ERICH5: variants seen among roughly 807,000 people sequenced by gnomAD.
The protein encoded by ERICH5 is glutamate-rich protein 5.
Under a neutral mutation model 28.0 loss-of-function variants are expected in ERICH5, and 24 were observed. The ratio of observed to expected loss-of-function variants is 0.86; its 90% confidence interval spans 0.62 to 1.21. ERICH5 has a LOEUF of 1.21. ERICH5 is among the 50% of genes most tolerant of loss of function. The pLI is 0.00. For synonymous variants in ERICH5, 163 were observed against 157.6 expected, an observed-to-expected ratio of 1.03 and a Z score of -0.25; for missense variants, 421 against 441.2, an observed-to-expected ratio of 0.95 and a Z score of 0.41.
At chr8:98,091,905 C>CTT (rs1230900180) in intron 2 of ERICH5, among the ~76,000 whole-genome samples, 1 of 82,712 alleles carries the variant, frequency 1.2e-5, no homozygotes, top group African/African-American at 5.3e-5. Flanking sequence ...TCTTTCCTTT[C>CTT]TTTCTTTCTT....
chr8:98,074,345 C>A (rs1815010272), intron 1 of ERICH5, among the ~76,000 whole-genome samples: 1 of 151,824 alleles, frequency 6.6e-6, no homozygotes, highest in African/African-American at 2.4e-5. Flanking sequence ...TTTTCTAAGG[C>A]TACCAGGTCT....
chr8:98,077,223 A>G (rs1185709546), intron 1 of ERICH5, among the ~76,000 whole-genome samples: 1 of 152,236 alleles, frequency 6.6e-6, no homozygotes, highest in Non-Finnish European at 1.5e-5. Context: ...TCAGTGCCTC[A>G]GTGAATGTCA....
At position 98,089,429 on chromosome 8, in the gene ERICH5, A is replaced by T. The variant is rs1163661075; in HGVS notation, c.412A>T (p.Thr138Ser). 6.2e-7 allele frequency: 1 copy of T among 1,614,250 alleles called. No homozygotes were observed. Among genetic ancestry groups the T allele is most frequent in the Admixed American group, 1.7e-5 (1 of 60,032 alleles). Residue 138 changes from threonine to serine, a missense_variant, in exon 2 of 3, where the codon ACA becomes TCA. Thr to Ser is a moderately conservative substitution (Grantham distance 58). Coordinates refer to ENST00000318528, the MANE Select transcript of ERICH5 (RefSeq NM_173549.3). ...AAAGAAGAAAGATGCAGGAGCAGGG[A>T]CAGAGGCCGAGTCTCTAAAAGGAAA... ...EGKKKDAGAG[T>S]EAESLKGNAE... is the part of the protein sequence containing the mutation.
At chr8:98,075,588 C>T (rs988590970) in intron 1 of ERICH5, among the ~76,000 whole-genome samples, 13 of 152,160 alleles carry the variant, frequency 8.5e-5, no homozygotes, top group African/African-American at 2.9e-4. Context: ...AATCAGTCAG[C>T]GGAAAGACCT....
rs760470751 is a variant in ERICH5, at chr8:98,085,136, C to CTTTTTTTTTTTTTT, written c.59-3911_59-3898dup. Among the ~76,000 whole-genome samples the CTTTTTTTTTTTTTT allele has an allele frequency of 2.8e-4, 16 of 57,318 alleles. 2 individuals carry two copies. Among genetic ancestry groups the CTTTTTTTTTTTTTT allele is most frequent in the East Asian group, 5.6e-4 (1 of 1,792 alleles). The allele number at this position is 57,318 out of a possible 152,430, so 37.6% of individuals were successfully genotyped here. ...TTCCCTGGTGTGAACGTTCCACAGC[C>CTTTTTTTTTTTTTT]TTTTTTTTTTTTTTTTTTTTTTTTT... On this transcript the variant is annotated intron_variant, in intron 1 of 2. Transcript: ENST00000318528.
chr8:98,066,516 T>A (rs1345343291), intron 1 of ERICH5, among the ~76,000 whole-genome samples: 1 of 152,220 alleles, frequency 6.6e-6, no homozygotes, highest in Non-Finnish European at 1.5e-5. Flanking sequence ...ACTTTATCTT[T>A]AAAAATATTT....
intron 1 of ERICH5, among the ~76,000 whole-genome samples, chr8:98,072,688 A>T (rs1814939619): frequency 6.6e-6 from 1 of 152,152 alleles, no homozygotes; most frequent in Admixed American, 6.6e-5. Flanking sequence ...TGGGATGTGC[A>T]TTCCAGCTGC....
intron 1 of ERICH5, among the ~76,000 whole-genome samples, chr8:98,072,381 G>A (rs1814934487): frequency 1.3e-5 from 2 of 152,134 alleles, no homozygotes; most frequent in Non-Finnish European, 2.9e-5. Context: ...ATGCCTGTGA[G>A]CACAGCACTT....
chr8:98,080,218 C>T (rs1166611661), intron 1 of ERICH5, among the ~76,000 whole-genome samples: 2 of 152,218 alleles, frequency 1.3e-5, no homozygotes, highest in Non-Finnish European at 2.9e-5. Context: ...ATTATCCACT[C>T]TGTCAATTCT....
rs1234405784 is a variant in ERICH5 at position 98,089,097 on chromosome 8, C to T, written c.80C>T (p.Ser27Leu). 6.2e-6 allele frequency: 10 copies of T among 1,602,732 alleles called. No homozygotes were observed. Among genetic ancestry groups the T allele is most frequent in the Non-Finnish European group, 8.5e-6 (10 of 1,176,218 alleles). Residue 27 changes from serine to leucine, a missense_variant, in exon 2 of 3, where the codon TCA (serine) becomes TTA (leucine). Physicochemically the swap from Ser to Leu is moderately radical, Grantham distance 145. Coordinates refer to ENST00000318528, the MANE Select transcript of ERICH5 (RefSeq NM_173549.3). ...FPSVTSNEHF[S>L]TAEESESCFA... is the part of the protein sequence containing the mutation. ...AAAGTAACTTCAAATGAGCATTTTT[C>T]AACTGCAGAAGAAAGTGAGTCCTGC... is the stretch of plus-strand genomic sequence containing the variant.
intron 1 of ERICH5, among the ~76,000 whole-genome samples, chr8:98,083,798 A>T (rs1421581624): frequency 6.6e-6 from 1 of 152,196 alleles, no homozygotes; most frequent in Non-Finnish European, 1.5e-5. Flanking sequence ...TAAAATCTAC[A>T]ACCATCTCCA....
chr8:98,084,922 C>G (rs937582125), intron 1 of ERICH5, among the ~76,000 whole-genome samples: 2 of 151,908 alleles, frequency 1.3e-5, no homozygotes, highest in African/African-American at 4.8e-5. Context: ...CTACCCAATC[C>G]CAGTCTCCAA....
chr8:98,088,320 G>C (rs1815316357), intron 1 of ERICH5, among the ~76,000 whole-genome samples: 1 of 152,162 alleles, frequency 6.6e-6, no homozygotes, highest in Non-Finnish European at 1.5e-5. Flanking sequence ...GCAACTCTGA[G>C]ATCAATATGA....
intron 1 of ERICH5, among the ~76,000 whole-genome samples, chr8:98,068,355 T>C (rs1031104192): frequency 2.0e-5 from 3 of 152,220 alleles, no homozygotes; most frequent in Non-Finnish European, 4.4e-5. Flanking sequence ...GTGAAGACTC[T>C]GATTGTTAAC....
chr8:98,088,705 T>G (rs554267671), intron 1 of ERICH5, among the ~76,000 whole-genome samples: 1 of 152,066 alleles, frequency 6.6e-6, no homozygotes, highest in South Asian at 2.1e-4. Flanking sequence ...GGAAAAAAAA[T>G]TTTTTAAAAA....
chr8:98,065,788 G>T (rs563212180), intron 1 of ERICH5, among the ~76,000 whole-genome samples: 73 of 152,286 alleles, frequency 4.8e-4, no homozygotes, highest in African/African-American at 1.7e-3. Context: ...TTTTGTACTG[G>T]AGTGAATTCC....
At chr8:98,072,647 TAAATTA>T (rs746433640) in intron 1 of ERICH5, among the ~76,000 whole-genome samples, 60 of 152,100 alleles carry the variant, frequency 3.9e-4, no homozygotes, top group South Asian at 4.2e-4. Context: ...AAAAAAAAAT[TAAATTA>T]AAATTAAAAT....
intron 1 of ERICH5, among the ~76,000 whole-genome samples, chr8:98,066,661 C>CT (rs1400776985): frequency 2.6e-5 from 4 of 152,172 alleles, no homozygotes; most frequent in Non-Finnish European, 4.4e-5. Context: ...AGTTCTAGCC[C>CT]TTAGAAAATT....
intron 1 of ERICH5, among the ~76,000 whole-genome samples, chr8:98,077,040 A>C (rs1157176366): frequency 3.3e-5 from 5 of 151,986 alleles, no homozygotes; most frequent in Non-Finnish European, 7.4e-5. Context: ...ACGCAGGAGG[A>C]TCGCTTCAGG....
Sources: gnomAD v4.1 joint callset for allele counts (sites outside exome capture counted in the v4.1 genomes callset) on GRCh38, gnomAD v4.1.1 for gene constraint, MANE v1.5 for transcripts, NCBI Gene and HGNC (gene_info 2026-07-23, HGNC 2026-07-21) for gene names.